Variants in CDH22 observed in about 807,000 individuals in gnomAD.
CDH22 encodes cadherin 22, also known as cadherin-22.
Under a neutral mutation model 58.4 loss-of-function variants are expected in CDH22, and 30 were observed. The ratio of observed to expected loss-of-function variants is 0.51; its 90% confidence interval spans 0.38 to 0.70. The LOEUF is 0.70. CDH22 is among the 30% of genes least tolerant of loss of function. The probability of loss-of-function intolerance (pLI) is 0.00; values close to 1 mark genes in which losing one functional copy is unlikely to be tolerated. For missense variants in CDH22, 1,014 were observed against 1,233.9 expected (o/e 0.82, Z 2.67); for synonymous variants, 513 against 558.2 (o/e 0.92, Z 1.14).
In CDH22 at chr20:46,301,498, T is replaced by TAAA. The variant is rs34249422; in HGVS notation, c.-400+6754_-400+6756dup. The stretch of plus-strand genomic sequence containing the variant: ...TTTTGTTTATCTGTAACTTGCCTAT[T>TAAA]AAAAAAATATATATATATATGTATA... On this transcript the variant is annotated intron_variant, in intron 1 of 11. Coordinates refer to ENST00000537909, the MANE Select transcript of CDH22 (RefSeq NM_021248.3). 5.6e-3 allele frequency among the ~76,000 whole-genome samples: 771 copies of TAAA among 138,066 alleles called. 11 individuals carry two copies. The highest frequency in any genetic ancestry group is 0.021 in the African/African-American group (715 of 34,406). 90.6% of individuals were successfully genotyped at this position (138,066 alleles called of 152,430 possible).
chr20:46,199,697 G>A (rs2085940741), intron 7 of CDH22, 138 bp from the exon 8 acceptor site: 1 of 1,083,854 alleles, frequency 9.2e-7, no homozygotes, highest in Non-Finnish European at 1.3e-6. Context: ...CCTTGCGACC[G>A]AGGAGGAGCG....
chr20:46,177,949 C>G lies in CDH22; in HGVS notation c.1912G>C (p.Val638Leu). Residue 638 changes from valine to leucine, a missense_variant, in exon 11 of 12, where the codon GTT becomes CTT. Transcript: ENST00000537909. ...IALLVCVLIL[V>L]VLVLLILTLR... ...GGGTGGCTCTCGATGGACTCACCAA[C>G]CAGGATGAGAACGCAGACCAAGAGG... 1.9e-6 allele frequency: 3 copies of G among 1,613,642 alleles called. No individual in the cohort carries two copies. Among genetic ancestry groups the G allele is most frequent in the Non-Finnish European group, 2.5e-6 (3 of 1,179,848 alleles).
chr20:46,229,905 C>T (rs970725347), intron 3 of CDH22, among the ~76,000 whole-genome samples: 1 of 152,176 alleles, frequency 6.6e-6, no homozygotes, highest in Admixed American at 6.5e-5. Context: ...TCCCCAGAGA[C>T]ATGGCTGAGC....
At chr20:46,202,066 G>A (rs2085965289) in intron 7 of CDH22, among the ~76,000 whole-genome samples, 1 of 152,152 alleles carries the variant, frequency 6.6e-6, no homozygotes, top group South Asian at 2.1e-4. Context: ...AAGACACTGA[G>A]GTCCAGAGAG....
At chr20:46,221,476 C>T (rs1018656257) in intron 4 of CDH22, among the ~76,000 whole-genome samples, 2 of 152,108 alleles carry the variant, frequency 1.3e-5, no homozygotes, top group African/African-American at 4.8e-5. Flanking sequence ...CACATTGGTT[C>T]TTTCATCCTC....
intron 1 of CDH22, among the ~76,000 whole-genome samples, chr20:46,262,967 G>A (rs538057676): frequency 1.3e-5 from 2 of 152,222 alleles, no homozygotes; most frequent in Admixed American, 6.5e-5. Context: ...AATGTTCAGC[G>A]CCCAGCCCCA....
intron 1 of CDH22, among the ~76,000 whole-genome samples, chr20:46,275,768 A>G (rs2086514291): frequency 6.6e-6 from 1 of 151,472 alleles, no homozygotes; most frequent in East Asian, 1.9e-4. Context: ...GATGTCTTGC[A>G]TTTTAGTGGT....
chr20:46,286,372 G>A (rs1050379826), intron 1 of CDH22, among the ~76,000 whole-genome samples: 6 of 152,104 alleles, frequency 3.9e-5, no homozygotes, highest in African/African-American at 7.2e-5. Context: ...AGCATCCCCC[G>A]GGGTCTCAGT....
intron 8 of CDH22, 75 bp from the exon 9 acceptor site, chr20:46,187,022 A>T: frequency 7.0e-7 from 1 of 1,434,760 alleles, no homozygotes; most frequent in South Asian, 1.4e-5. Context: ...TACTATGAGG[A>T]CAATAGTAGG....
chr20:46,268,315 G>T (rs2086471638), intron 1 of CDH22, among the ~76,000 whole-genome samples: 1 of 152,254 alleles, frequency 6.6e-6, no homozygotes, highest in Non-Finnish European at 1.5e-5. Flanking sequence ...ATCACAGCAG[G>T]ATCAGTGCCC....
intron 11 of CDH22, among the ~76,000 whole-genome samples, chr20:46,176,656 C>T (rs894788118): frequency 2.0e-5 from 3 of 152,244 alleles, no homozygotes; most frequent in Non-Finnish European, 4.4e-5. Flanking sequence ...TGGGGCAGGG[C>T]ACCTGCTCAC....
intron 1 of CDH22, among the ~76,000 whole-genome samples, chr20:46,305,106 C>T (rs186799062): frequency 3.5e-3 from 534 of 152,348 alleles, no homozygotes; most frequent in Non-Finnish European, 5.7e-3. Context: ...TGTGTATCAT[C>T]AACAATGAGA....
At chr20:46,237,275 T>G (rs964341428) in intron 3 of CDH22, among the ~76,000 whole-genome samples, 4 of 152,172 alleles carry the variant, frequency 2.6e-5, no homozygotes, top group Non-Finnish European at 5.9e-5. Context: ...AGGCTTAACA[T>G]GACTGGTGTG....
intron 1 of CDH22, among the ~76,000 whole-genome samples, chr20:46,305,529 C>T (rs895332096): frequency 6.6e-6 from 1 of 152,172 alleles, no homozygotes; most frequent in African/African-American, 2.4e-5. Flanking sequence ...TCCTTGGCCC[C>T]GGGGCCTCAG....
Position 46,251,187 on chromosome 20 carries a change from C to T in CDH22, c.108G>A (p.Leu36=), listed in dbSNP as rs1237307740. The change falls in exon 2 of 12, where the codon CTG becomes CTA. Residue 36 remains leucine (L), a synonymous_variant. Coordinates refer to ENST00000537909, the MANE Select transcript of CDH22 (RefSeq NM_021248.3). This position sits in a 1 kb window ranked among gnomAD's most constrained non-coding sequence, Gnocchi z 6.7. ...ACGGCGAGGGTGTGCCCGCTGCCCA[C>T]AGGCGCCCCAGCAGCGTCGGCGGCG... ...LPPPPTLLGR[L]WAAGTPSPSA... 1 of 1,523,796 alleles carries T rather than the reference C, an allele frequency of 6.6e-7. No homozygotes were observed. The highest frequency in any genetic ancestry group is 1.2e-5 in the South Asian group (1 of 82,030). 94.4% of individuals were successfully genotyped at this position (1,523,796 alleles called of 1,614,324 possible). A position where few individuals can be genotyped will look rare whatever the true frequency, so the allele number is the denominator to read the frequency against.
At chr20:46,194,402 C>T (rs2085884413) in intron 8 of CDH22, among the ~76,000 whole-genome samples, 1 of 152,252 alleles carries the variant, frequency 6.6e-6, no homozygotes, top group African/African-American at 2.4e-5. Context: ...CCTCCTTAGG[C>T]CTCCTCTATG....
chr20:46,232,451 A>C (rs2086226210), intron 3 of CDH22, among the ~76,000 whole-genome samples: 1 of 152,164 alleles, frequency 6.6e-6, no homozygotes, highest in Non-Finnish European at 1.5e-5. Context: ...CCCCTTAATG[A>C]GAGAAAGAGA....
In CDH22 at chr20:46,174,116, T is replaced by C; in HGVS notation, c.*390A>G. ...GTAAGTGAACAGCCTTCTTTCCTCT[T>C]AACTCTGATGGGGGAAACCTGGGGT... On this transcript the variant is annotated 3_prime_UTR_variant, in exon 12 of 12. Transcript: ENST00000537909. The surrounding 1 kb of genome is among the most constrained non-coding windows in gnomAD (Gnocchi z 4.4). 3.9e-6 allele frequency: 1 copy of C among 256,134 alleles called. No individual in the cohort carries two copies. The highest frequency in any genetic ancestry group is 7.3e-6 in the Non-Finnish European group (1 of 136,564). 15.9% of individuals were successfully genotyped at this position (256,134 alleles called of 1,614,324 possible). A position where few individuals can be genotyped will look rare whatever the true frequency, so the allele number is the denominator to read the frequency against.
At chr20:46,191,730 C>T (rs2085863153) in intron 8 of CDH22, among the ~76,000 whole-genome samples, 1 of 152,156 alleles carries the variant, frequency 6.6e-6, no homozygotes, top group African/African-American at 2.4e-5. Flanking sequence ...TTTTTAACCA[C>T]CACATGATGT....
Sources: allele counts gnomAD v4.1 joint callset (sites outside exome capture counted in the v4.1 genomes callset), GRCh38; gene constraint gnomAD v4.1.1; non-coding constraint Gnocchi (gnomAD v3.1); transcripts MANE v1.5; gene names NCBI Gene and HGNC (gene_info 2026-07-23, HGNC 2026-07-21).